CDH13: variants seen among roughly 807,000 people sequenced by gnomAD.
CDH13 encodes cadherin 13.
In CDH13, 24 loss-of-function variants were observed where a neutral mutation model predicts 63.8. That is an observed-to-expected ratio of 0.38 (90% confidence interval 0.27 to 0.53). The LOEUF is 0.53. Among genes scored for constraint, CDH13 ranks in the 20% least tolerant of loss-of-function variants. CDH13 has a pLI of 0.85. For synonymous variants in CDH13, 503 were observed against 355.3 expected, an observed-to-expected ratio of 1.42 and a Z score of -4.67; for missense variants, 1,049 against 903.1, an observed-to-expected ratio of 1.16 and a Z score of -2.07.
chr16:83,128,262 C>A (rs553805321), intron 4 of CDH13, among the ~76,000 whole-genome samples: 1 of 152,104 alleles, frequency 6.6e-6, no homozygotes, highest in Non-Finnish European at 1.5e-5. Context: ...TGGAGGACTG[C>A]CGGTCTTAAG....
chr16:82,703,135 G>T (rs2031188117), intron 1 of CDH13, among the ~76,000 whole-genome samples: 2 of 151,762 alleles, frequency 1.3e-5, no homozygotes, highest in East Asian at 1.9e-4. Context: ...TATATATTCA[G>T]ATATTTGTGT....
intron 7 of CDH13, among the ~76,000 whole-genome samples, chr16:83,517,820 A>C (rs1195740068): frequency 1.3e-5 from 2 of 152,306 alleles, no homozygotes; most frequent in South Asian, 2.1e-4. Flanking sequence ...TTTAATGGTA[A>C]TAGAATACAC....
At chr16:83,160,582 G>A (rs1216795750) in intron 4 of CDH13, among the ~76,000 whole-genome samples, 2 of 152,124 alleles carry the variant, frequency 1.3e-5, no homozygotes, top group Non-Finnish European at 2.9e-5. Flanking sequence ...TGCTCGTGTG[G>A]CCTTCCAAAA....
chr16:83,408,842 T>A (rs1439136820), intron 6 of CDH13, among the ~76,000 whole-genome samples: 4 of 152,182 alleles, frequency 2.6e-5, no homozygotes, highest in African/African-American at 7.2e-5. Flanking sequence ...TGAAAAGATG[T>A]CATGCACCAG....
intron 1 of CDH13, among the ~76,000 whole-genome samples, chr16:82,784,532 C>A (rs2035912916): frequency 6.6e-6 from 1 of 152,192 alleles, no homozygotes; most frequent in African/African-American, 2.4e-5. Context: ...GTCCTAGGAG[C>A]TGAGGATACA....
intron 1 of CDH13, among the ~76,000 whole-genome samples, chr16:82,793,044 C>G (rs954256507): frequency 6.6e-6 from 1 of 152,224 alleles, no homozygotes; most frequent in Non-Finnish European, 1.5e-5. Context: ...CAGTCTGCCC[C>G]TGATGGAGTT....
chr16:82,766,658 T>G (rs1040955102), intron 1 of CDH13, among the ~76,000 whole-genome samples: 2 of 152,232 alleles, frequency 1.3e-5, no homozygotes, highest in African/African-American at 4.8e-5. Flanking sequence ...GCCCTCATTG[T>G]TTATGTCTTT....
At chr16:83,749,135 A>G (rs564217813) in intron 11 of CDH13, among the ~76,000 whole-genome samples, 71 of 152,226 alleles carry the variant, frequency 4.7e-4, no homozygotes, top group Admixed American at 7.2e-4. Flanking sequence ...TGTTCTCCCT[A>G]TTATTCCTAA....
intron 12 of CDH13, among the ~76,000 whole-genome samples, chr16:83,782,714 C>A (rs1362446084): frequency 2.2e-5 from 3 of 137,408 alleles, no homozygotes; most frequent in Non-Finnish European, 1.5e-5. Flanking sequence ...CCAGGCTGGG[C>A]AACAGAGTGA....
At chr16:82,646,899 A>T (rs574659092) in intron 1 of CDH13, among the ~76,000 whole-genome samples, 1 of 152,344 alleles carries the variant, frequency 6.6e-6, no homozygotes, top group African/African-American at 2.4e-5. Flanking sequence ...GGGGGTAATG[A>T]AGAGGCTGTT....
chr16:83,735,607 T>A (rs1911469006), intron 10 of CDH13: 1 of 152,194 alleles, frequency 6.6e-6, no homozygotes, highest in Non-Finnish European at 1.5e-5. Context: ...TAATAAAGTA[T>A]GTGTCTTTCT....
At chr16:83,646,851 A>T (rs1911868664) in intron 8 of CDH13, among the ~76,000 whole-genome samples, 1 of 151,522 alleles carries the variant, frequency 6.6e-6, no homozygotes, top group African/African-American at 2.4e-5. Context: ...CTTCTTCTCT[A>T]GCTGCTTGTA....
At chr16:83,214,372 G>A (rs1245224095) in intron 4 of CDH13, among the ~76,000 whole-genome samples, 3 of 151,840 alleles carry the variant, frequency 2.0e-5, no homozygotes, top group Non-Finnish European at 4.4e-5. Context: ...ATCAGGTAAG[G>A]AGTTCGAGAT....
At chr16:82,840,886 G>A (rs971464692) in intron 1 of CDH13, among the ~76,000 whole-genome samples, 2 of 152,166 alleles carry the variant, frequency 1.3e-5, no homozygotes, top group Admixed American at 6.5e-5. Flanking sequence ...GTTGGTAGAT[G>A]AAGAGTGGAA....
intron 1 of CDH13, among the ~76,000 whole-genome samples, chr16:82,698,168 A>G (rs2030562170): frequency 6.6e-6 from 1 of 152,214 alleles, no homozygotes; most frequent in South Asian, 2.1e-4. Flanking sequence ...AGATTGGAGC[A>G]TTGGTAAGAA....
intron 1 of CDH13, among the ~76,000 whole-genome samples, chr16:82,801,408 T>G (rs1435391557): frequency 1.3e-5 from 2 of 152,190 alleles, no homozygotes; most frequent in Non-Finnish European, 2.9e-5. Context: ...CTCAGTCTAA[T>G]CCACACTGTC....
At chr16:83,095,092 A>C (rs1202142761) in intron 3 of CDH13, among the ~76,000 whole-genome samples, 1 of 152,212 alleles carries the variant, frequency 6.6e-6, no homozygotes, top group African/African-American at 2.4e-5. Flanking sequence ...TCAACTTGAT[A>C]AGAAGATTTC....
chr16:83,099,355 C>G (rs1382476108), intron 3 of CDH13, among the ~76,000 whole-genome samples: 1 of 151,924 alleles, frequency 6.6e-6, no homozygotes, highest in Non-Finnish European at 1.5e-5. Context: ...TGGAGTTTCA[C>G]TCTTGTCACC....
chr16:83,722,264 A>G (rs1371464310), intron 10 of CDH13, among the ~76,000 whole-genome samples: 5 of 152,352 alleles, frequency 3.3e-5, no homozygotes, highest in Admixed American at 3.3e-4. Context: ...CCAGCCTCAA[A>G]CAATGATAGT....
Sources: allele counts gnomAD v4.1 joint callset (sites outside exome capture counted in the v4.1 genomes callset), GRCh38; gene constraint gnomAD v4.1.1; transcripts MANE v1.5; gene names NCBI Gene and HGNC (gene_info 2026-07-23, HGNC 2026-07-21).